Variants in GALNT13 observed in about 807,000 individuals in gnomAD.
GALNT13 encodes polypeptide N-acetylgalactosaminyltransferase 13, also known as UDP-GalNAc:polypeptide N-acetylgalactosaminyltransferase 13.
GALNT13 carries 28 observed loss-of-function variants against 64.2 expected under a neutral mutation model. That is an observed-to-expected ratio of 0.44 (90% confidence interval 0.32 to 0.60). GALNT13 has a LOEUF of 0.60. Ranked by LOEUF, GALNT13 falls within the 20% of genes least tolerant of loss-of-function variation. The pLI, the probability that GALNT13 is intolerant of heterozygous loss-of-function variation, is 0.05. For missense variants in GALNT13, 577 were observed against 669.8 expected, an observed-to-expected ratio of 0.86 and a Z score of 1.53; for synonymous variants, 214 against 224.6, an observed-to-expected ratio of 0.95 and a Z score of 0.42.
chr2:153,836,151 A>G, the GALNT13 span, among the ~76,000 whole-genome samples: 1 of 152,234 alleles, frequency 6.6e-6, no homozygotes, highest in East Asian at 1.9e-4. Context: ...ATCTGAATGC[A>G]AAGAAGGTGA....
intron 3 of GALNT13, among the ~76,000 whole-genome samples, chr2:154,020,621 T>C (rs1391388383): frequency 6.6e-6 from 1 of 152,004 alleles, no homozygotes; most frequent in Non-Finnish European, 1.5e-5. Flanking sequence ...GATGAGTAGG[T>C]TGTGAAAATT....
At chr2:153,240,106 A>G in the GALNT13 span, among the ~76,000 whole-genome samples, 1 of 152,128 alleles carries the variant, frequency 6.6e-6, no homozygotes. Flanking sequence ...ATTTGTTGGC[A>G]TATAGTTGCT....
intron 9 of GALNT13, among the ~76,000 whole-genome samples, chr2:154,387,249 C>T (rs541324015): frequency 6.6e-6 from 1 of 151,692 alleles, no homozygotes; most frequent in South Asian, 2.1e-4. Flanking sequence ...TCCAAGAAAT[C>T]GCCTAAACCT....
At chr2:154,328,945 A>T (rs1320263831) in intron 9 of GALNT13, among the ~76,000 whole-genome samples, 1 of 152,098 alleles carries the variant, frequency 6.6e-6, no homozygotes, top group East Asian at 1.9e-4. Flanking sequence ...GACCATCAAT[A>T]TTTCTTCCTC....
chr2:153,759,340 A>C, the GALNT13 span, among the ~76,000 whole-genome samples: 1 of 152,186 alleles, frequency 6.6e-6, no homozygotes, highest in Non-Finnish European at 1.5e-5. Context: ...CACTTTCAGC[A>C]CTATAGTGAA....
chr2:153,086,713 A>ATTTTATTTTATTTTATTTTAT, the GALNT13 span, among the ~76,000 whole-genome samples: 3 of 149,740 alleles, frequency 2.0e-5, no homozygotes, highest in African/African-American at 7.4e-5. Context: ...ATTTTATTTT[A>ATTTTATTTTATTTTATTTTAT]TTTATTTTAT....
At chr2:154,167,692 G>T (rs944051986) in intron 4 of GALNT13, among the ~76,000 whole-genome samples, 2 of 152,134 alleles carry the variant, frequency 1.3e-5, no homozygotes, top group South Asian at 2.1e-4. Context: ...GGAGAGAAAG[G>T]CATCCATGTG....
the GALNT13 span, among the ~76,000 whole-genome samples, chr2:153,303,274 C>T: frequency 6.6e-6 from 1 of 151,896 alleles, no homozygotes; most frequent in Non-Finnish European, 1.5e-5. Context: ...GTGAAATTTG[C>T]TCCTAAGTTA....
Position 154,450,820 on chromosome 2 carries a change from A to G in GALNT13, c.*269A>G. On this transcript the variant is annotated 3_prime_UTR_variant, in exon 13 of 13. Coordinates refer to ENST00000392825, the MANE Select transcript of GALNT13 (RefSeq NM_052917.4). Reference sequence around the variant, plus strand: ...AAACAAATTGTGTTTGCTTTAAGAAAAATGTTTATTGCACTCATGTCATAG... The same window carrying G: ...AAACAAATTGTGTTTGCTTTAAGAAGAATGTTTATTGCACTCATGTCATAG... 2 of 330,962 alleles carry G rather than the reference A, an allele frequency of 6.0e-6. No homozygotes were observed. Among genetic ancestry groups the G allele is most frequent in the Non-Finnish European group, 1.1e-5 (2 of 181,758 alleles). The allele number at this position is 330,962 out of a possible 1,614,324, so 20.5% of individuals were successfully genotyped here.
chr2:153,241,850 A>T, the GALNT13 span, among the ~76,000 whole-genome samples: 1 of 152,008 alleles, frequency 6.6e-6, no homozygotes, highest in Non-Finnish European at 1.5e-5. Flanking sequence ...GGTATCATAG[A>T]ATAGTATGTG....
intron 4 of GALNT13, among the ~76,000 whole-genome samples, chr2:154,240,757 AG>A (rs1466211298): frequency 6.6e-6 from 1 of 152,222 alleles, no homozygotes. Flanking sequence ...CCTTGTCACA[AG>A]GACAGAGGAC....
At chr2:153,482,874 A>C in the GALNT13 span, among the ~76,000 whole-genome samples, 1 of 152,114 alleles carries the variant, frequency 6.6e-6, no homozygotes, top group Admixed American at 6.5e-5. Flanking sequence ...TATGGAAACA[A>C]CTGGAAAACA....
the GALNT13 span, among the ~76,000 whole-genome samples, chr2:153,281,906 G>T: frequency 6.6e-6 from 1 of 151,348 alleles, no homozygotes; most frequent in African/African-American, 2.4e-5. Context: ...TATCACACAG[G>T]TTAGGTGTTA....
the GALNT13 span, among the ~76,000 whole-genome samples, chr2:153,578,245 G>A: frequency 6.6e-6 from 1 of 152,106 alleles, no homozygotes; most frequent in Admixed American, 6.6e-5. Flanking sequence ...GTGTTGGATT[G>A]TTATATATCA....
chr2:154,145,049 TC>T (rs1302671336), intron 4 of GALNT13, among the ~76,000 whole-genome samples: 2 of 30,526 alleles, frequency 6.6e-5, no homozygotes, highest in Admixed American at 2.3e-4. Context: ...TTTATGTAGT[TC>T]TCTCTCTCTC....
At chr2:153,745,680 C>T in the GALNT13 span, among the ~76,000 whole-genome samples, 12 of 152,134 alleles carry the variant, frequency 7.9e-5, no homozygotes, top group East Asian at 2.3e-3. Flanking sequence ...TTAACATAGG[C>T]CAAAATATCA....
chr2:153,936,331 A>G (rs569864486), intron 2 of GALNT13, among the ~76,000 whole-genome samples: 8 of 152,350 alleles, frequency 5.3e-5, no homozygotes, highest in South Asian at 2.1e-4. Flanking sequence ...GCCATTTTAT[A>G]TAATGGACTT....
At chr2:153,845,521 G>A in the GALNT13 span, among the ~76,000 whole-genome samples, 3 of 152,166 alleles carry the variant, frequency 2.0e-5, no homozygotes, top group South Asian at 2.1e-4. Context: ...CATTCATGAG[G>A]GATCTGTCCC....
chr2:153,143,044 A>G, the GALNT13 span, among the ~76,000 whole-genome samples: 1 of 152,054 alleles, frequency 6.6e-6, no homozygotes, highest in East Asian at 1.9e-4. Flanking sequence ...ATGGAGAGGT[A>G]ATCCCAGCAA....
Sources: allele counts gnomAD v4.1 joint callset (sites outside exome capture counted in the v4.1 genomes callset), GRCh38; gene constraint gnomAD v4.1.1; transcripts MANE v1.5; gene names NCBI Gene and HGNC (gene_info 2026-07-23, HGNC 2026-07-21).